GRIN2B: variants seen among roughly 807,000 people sequenced by gnomAD.
The protein encoded by GRIN2B is glutamate receptor ionotropic, NMDA 2B.
GRIN2B carries 5 observed loss-of-function variants against 114.5 expected under a neutral mutation model. That is an observed-to-expected ratio of 0.04 (90% confidence interval 0.02 to 0.09). The LOEUF is 0.09. Ranked by LOEUF, GRIN2B falls within the 10% of genes least tolerant of loss-of-function variation. The pLI is 1.00. For missense variants in GRIN2B, 1,108 were observed against 1,943.5 expected (o/e 0.57, Z 8.08); for synonymous variants, 787 against 745.1 (o/e 1.06, Z -0.92).
chr12:13,668,999 G>A (rs1950000546), intron 5 of GRIN2B, among the ~76,000 whole-genome samples: 1 of 145,362 alleles, frequency 6.9e-6, no homozygotes, highest in Admixed American at 6.9e-5. Flanking sequence ...AGGGAATGGA[G>A]GGGAGGTGGG....
intron 4 of GRIN2B, among the ~76,000 whole-genome samples, chr12:13,679,564 T>C (rs1950109165): frequency 6.6e-6 from 1 of 152,196 alleles, no homozygotes. Flanking sequence ...TAAAATTTTA[T>C]GACAATATAC....
intron 5 of GRIN2B, among the ~76,000 whole-genome samples, chr12:13,666,650 C>G (rs1949978980): frequency 6.6e-6 from 1 of 152,068 alleles, no homozygotes; most frequent in Non-Finnish European, 1.5e-5. Flanking sequence ...AGTTAACATG[C>G]CAAGGTCAGA....
intron 4 of GRIN2B, among the ~76,000 whole-genome samples, chr12:13,745,060 G>A (rs768348783): frequency 3.3e-5 from 5 of 152,098 alleles, no homozygotes; most frequent in African/African-American, 7.2e-5. Flanking sequence ...GAGAGGAAAC[G>A]AAGAGAAAGA....
chr12:13,670,821 C>A (rs1183776953), intron 5 of GRIN2B, among the ~76,000 whole-genome samples: 1 of 151,990 alleles, frequency 6.6e-6, no homozygotes, highest in Non-Finnish European at 1.5e-5. Context: ...GGGAGATGTT[C>A]TTGGCTTTCT....
intron 2 of GRIN2B, among the ~76,000 whole-genome samples, chr12:13,928,850 TAAAC>T (rs1377792982): frequency 1.3e-5 from 2 of 152,258 alleles, no homozygotes; most frequent in East Asian, 3.8e-4. Flanking sequence ...GTCAGTCACT[TAAAC>T]ATACACATCA....
At chr12:13,666,681 G>T (rs894756839) in intron 5 of GRIN2B, among the ~76,000 whole-genome samples, 5 of 152,066 alleles carry the variant, frequency 3.3e-5, no homozygotes, top group Non-Finnish European at 7.4e-5. Context: ...CTGTATACAT[G>T]AATTATTTCT....
At chr12:13,722,796 A>AAAC (rs1437073689) in intron 4 of GRIN2B, among the ~76,000 whole-genome samples, 2 of 152,116 alleles carry the variant, frequency 1.3e-5, no homozygotes, top group African/African-American at 4.8e-5. Flanking sequence ...TTCAGAAAAG[A>AAAC]AACTGGAGTT....
Position 13,552,699 on chromosome 12 carries a change from C to T in GRIN2B, c.*10084G>A, listed in dbSNP as rs948716440. The T allele has an allele frequency of 1.3e-5, 2 of 151,948 alleles. No homozygotes were observed. The highest frequency in any genetic ancestry group is 4.8e-5 in the African/African-American group (2 of 41,370). 9.4% of individuals were successfully genotyped at this position (151,948 alleles called of 1,614,324 possible). ...TCATAGTATAATGAAATGGGTTTTG[C>T]TCTAAAATATTAACTATTCTCATTT... On this transcript the variant is annotated 3_prime_UTR_variant, in exon 14 of 14. Coordinates refer to ENST00000609686, the MANE Select transcript of GRIN2B (RefSeq NM_000834.5).
Position 13,836,390 on chromosome 12 carries a change from T to C in GRIN2B, c.411+29408A>G, listed in dbSNP as rs116697668. Among the ~76,000 whole-genome samples, 932 of 152,278 alleles carry C rather than the reference T, an allele frequency of 6.1e-3. 11 individuals are homozygous for C. Among genetic ancestry groups the C allele is most frequent in the African/African-American group, 0.021 (880 of 41,544 alleles). On this transcript the variant is annotated intron_variant, in intron 3 of 13. Transcript: ENST00000609686. ...GGGGAAGAAAAAACATTTTATTTAT[T>C]CAAAAAATGTAAAAGCCACCTGGAA...
chr12:13,621,854 A>G (rs1236866814), intron 5 of GRIN2B, among the ~76,000 whole-genome samples: 1 of 152,028 alleles, frequency 6.6e-6, no homozygotes, highest in Admixed American at 6.6e-5. Context: ...CTGCTAACAG[A>G]TTCCTCCATT....
At chr12:13,796,420 C>T (rs996957027) in intron 3 of GRIN2B, among the ~76,000 whole-genome samples, 6 of 152,168 alleles carry the variant, frequency 3.9e-5, no homozygotes, top group Non-Finnish European at 7.4e-5. Context: ...GGCCAGAGGG[C>T]AGCATAATTG....
chr12:13,610,423 A>G lies in GRIN2B; in HGVS notation c.1780+1302T>C, dbSNP rs541422326. On this transcript the variant is annotated intron_variant, in intron 9 of 13. Coordinates refer to ENST00000609686, the MANE Select transcript of GRIN2B (RefSeq NM_000834.5). ...ATGCACACTGACTTTAGCTCTTGACATTGCCAACCTAAGTATATACTCATG... is the reference window on the plus strand; with the variant it reads ...ATGCACACTGACTTTAGCTCTTGACGTTGCCAACCTAAGTATATACTCATG... Among the ~76,000 whole-genome samples the G allele has an allele frequency of 2.6e-5, 4 of 152,254 alleles. No individual in the cohort carries two copies. In the East Asian group the frequency reaches 7.7e-4, roughly 29 times the overall value.
intron 3 of GRIN2B, among the ~76,000 whole-genome samples, chr12:13,860,748 A>G (rs1470937286): frequency 6.6e-6 from 1 of 152,194 alleles, no homozygotes; most frequent in Admixed American, 6.5e-5. Context: ...ACCATGCTAC[A>G]CCCTGATCAA....
At chr12:13,957,074 C>G (rs538891364) in intron 2 of GRIN2B, among the ~76,000 whole-genome samples, 2 of 152,168 alleles carry the variant, frequency 1.3e-5, no homozygotes, top group East Asian at 3.9e-4. Context: ...GAATAGTGAA[C>G]AAGAAAAGAG....
At position 13,799,918 on chromosome 12, in the gene GRIN2B, A is replaced by G. The variant is rs563596946; in HGVS notation, c.412-46003T>C. Among the ~76,000 whole-genome samples, 531 of 152,172 alleles carry G rather than the reference A, an allele frequency of 3.5e-3. 4 individuals carry two copies. Among genetic ancestry groups the G allele is most frequent in the African/African-American group, 0.012 (511 of 41,502 alleles). The stretch of plus-strand genomic sequence containing the variant: ...TAATATGAAGATCTGCCAGACCTAA[A>G]ACCTTGCTGCCTGCCTGGAAGAAAC... On this transcript the variant is annotated intron_variant, in intron 3 of 13. Transcript: ENST00000609686.
At chr12:13,744,200 T>C (rs1218583757) in intron 4 of GRIN2B, among the ~76,000 whole-genome samples, 1 of 152,216 alleles carries the variant, frequency 6.6e-6, no homozygotes, top group African/African-American at 2.4e-5. Flanking sequence ...TCAGAGCTAA[T>C]TCCAGGCAAG....
intron 5 of GRIN2B, among the ~76,000 whole-genome samples, chr12:13,672,186 C>T (rs150658916): frequency 6.6e-6 from 1 of 152,202 alleles, no homozygotes; most frequent in Non-Finnish European, 1.5e-5. Context: ...CTAGAAAGGA[C>T]CCAAGAAGTC....
chr12:13,562,853 G>A lies in GRIN2B; in HGVS notation c.4385C>T (p.Pro1462Leu), dbSNP rs1948564811. 2 of 1,613,978 alleles carry A rather than the reference G, an allele frequency of 1.2e-6. No homozygotes were observed. The change falls in exon 14 of 14, where the codon CCC becomes CTC. Residue 1462 changes from proline (P) to leucine (L), a missense_variant. By Grantham distance (98) the Pro-to-Leu change is moderately conservative (BLOSUM62 -3). Transcript: ENST00000609686. ...ATTGCTGGAGCCATTGAAAGCCCTG[G>A]GGTTTTTGTTGTTAGGCACACAGGG... ...SNPCVPNNKN[P>L]RAFNGSSNGH...
chr12:13,738,504 C>A (rs1336322711), intron 4 of GRIN2B, among the ~76,000 whole-genome samples: 1 of 152,158 alleles, frequency 6.6e-6, no homozygotes, highest in Non-Finnish European at 1.5e-5. Flanking sequence ...GTACCAGCAA[C>A]AGGAACAGAA....
Sources: allele counts gnomAD v4.1 joint callset (sites outside exome capture counted in the v4.1 genomes callset), GRCh38; gene constraint gnomAD v4.1.1; transcripts MANE v1.5; gene names NCBI Gene and HGNC (gene_info 2026-07-23, HGNC 2026-07-21).